The following POLQ variants were observed in gnomAD, a reference collection of about 807,000 sequenced individuals.
POLQ encodes the protein epididymis secretory sperm binding protein.
Under a neutral mutation model 259.2 loss-of-function variants are expected in POLQ, and 233 were observed. That is an observed-to-expected ratio of 0.90 (90% CI 0.81 to 1.00). POLQ has a LOEUF of 1.00. POLQ is among the 50% of genes least tolerant of loss of function. The probability of loss-of-function intolerance (pLI) is 0.00; values close to 1 mark genes in which losing one functional copy is unlikely to be tolerated. For missense variants in POLQ, 2,871 were observed against 3,051.6 expected (o/e 0.94, Z 1.39); for synonymous variants, 1,025 against 1,048.8 (o/e 0.98, Z 0.44).
At chr3:121,499,741 G>A (rs1423372032) in intron 12 of POLQ, among the ~76,000 whole-genome samples, 2 of 151,970 alleles carry the variant, frequency 1.3e-5, no homozygotes, top group African/African-American at 2.4e-5. Flanking sequence ...AAACATATAA[G>A]AAATAGGAAA....
rs1255098166 is a variant in POLQ at position 121,432,357 on chromosome 3, C to CTTTCAA, written c.7714_7719dup (p.Leu2572_Lys2573dup). ...CAGCTGGCGCCTATTTTCACTTTCA[C>CTTTCAA]TTTCAATTTCACAGACAGTTTTACA... On this transcript the variant is annotated inframe_insertion, in exon 30 of 30. Transcript: ENST00000264233. 2 of 1,609,524 alleles carry CTTTCAA rather than the reference C, an allele frequency of 1.2e-6. No homozygotes were observed. The highest frequency in any genetic ancestry group is 1.7e-6 in the Non-Finnish European group (2 of 1,177,872).
rs72971904 is a variant in POLQ at position 121,514,977 on chromosome 3, G to A, written c.1469-2948C>T. Among the ~76,000 whole-genome samples, 502 of 152,238 alleles carry A rather than the reference G, an allele frequency of 3.3e-3. 5 individuals are homozygous for A. Among genetic ancestry groups the A allele is most frequent in the African/African-American group, 0.011 (477 of 41,536 alleles). ...AGCAGGGGCTAGTTCTGCCAAACCT[G>A]GGATTTTAAACAGTGCTCAAGCTCA... On this transcript the variant is annotated intron_variant, in intron 9 of 29. Transcript: ENST00000264233.
chr3:121,489,507 G>A lies in POLQ; in HGVS notation c.3424C>T (p.Gln1142Ter), dbSNP rs1163200897. 11 of 1,613,804 alleles carry A rather than the reference G, an allele frequency of 6.8e-6. No individual in the cohort carries two copies. Among genetic ancestry groups the A allele is most frequent in the Non-Finnish European group, 9.3e-6 (11 of 1,179,960 alleles). The change falls in exon 16 of 30, where the codon CAG (glutamine) becomes TAG (stop). Residue 1142 changes from glutamine (Q) to a stop codon, truncating the protein, a stop_gained. Transcript: ENST00000264233. LOFTEE classifies it high-confidence loss of function. ...NFVEHIVTGS[Q>*]SKNVTCQATS... ...GCCTGACAAGTCACATTTTTACTCT[G>A]AGATCCTGTGACAATATGCTCCACA... is the stretch of plus-strand genomic sequence containing the variant.
intron 9 of POLQ, among the ~76,000 whole-genome samples, 196 bp downstream of exon 9, chr3:121,519,675 C>CAAA (rs959037678): frequency 3.3e-5 from 2 of 59,780 alleles, no homozygotes; most frequent in Non-Finnish European, 6.8e-5. Context: ...GACTCCGTCT[C>CAAA]AAAAAAAAAA....
At position 121,483,586 on chromosome 3, in the gene POLQ, TAAAAAAAAAAA is replaced by T; in HGVS notation, c.5774-15_5774-5del. The T allele has an allele frequency of 7.8e-7, 1 of 1,277,416 alleles. No homozygotes were observed. Among genetic ancestry groups the T allele is most frequent in the East Asian group, 2.7e-5 (1 of 36,384 alleles). The allele number at this position is 1,277,416 out of a possible 1,614,324, so 79.1% of individuals were successfully genotyped here. A position where few individuals can be genotyped will look rare whatever the true frequency, so the allele number is the denominator to read the frequency against. On this transcript the variant is annotated splice_region_variant and splice_polypyrimidine_tract_variant and intron_variant, in intron 17 of 29. Transcript: ENST00000264233. Reference sequence around the variant, plus strand: ...GGAACCAAACTGGCACTAATTTCTTTAAAAAAAAAAAAAAAAAGGAAAAAACATTTTTAAGG... The same window carrying T: ...GGAACCAAACTGGCACTAATTTCTTTAAAAAAGGAAAAAACATTTTTAAGG...
chr3:121,472,440 A>G (rs967701915), intron 21 of POLQ, among the ~76,000 whole-genome samples: 1 of 152,154 alleles, frequency 6.6e-6, no homozygotes, highest in Non-Finnish European at 1.5e-5. Context: ...CTGCCTCCCC[A>G]CACCCGACCA....
At position 121,533,017 on chromosome 3, in the gene POLQ, C is replaced by T. The variant is rs1261363862; in HGVS notation, c.933G>A (p.Arg311=). 6.2e-7 allele frequency: 1 copy of T among 1,610,840 alleles called. No homozygotes were observed. Among genetic ancestry groups the T allele is most frequent in the Non-Finnish European group, 8.5e-7 (1 of 1,177,944 alleles). ...TCACTTGTAGCATGGGCTCAAATTC[C>T]CTCACAAGTTTCATTGAAGAGTCAT... ...SIYDSSMKLV[R]EFEPMLQVKG... Residue 311 remains arginine, a synonymous_variant, in exon 6 of 30, where the codon AGG becomes AGA. Transcript: ENST00000264233.
intron 25 of POLQ, among the ~76,000 whole-genome samples, chr3:121,455,927 C>A (rs925259930): frequency 1.4e-5 from 2 of 142,754 alleles, no homozygotes; most frequent in Non-Finnish European, 3.1e-5. Context: ...CAGAGACAAC[C>A]AAAAAAGAGA....
intron 3 of POLQ, 113 bp downstream of exon 3, chr3:121,541,236 A>G: frequency 1.1e-6 from 1 of 933,186 alleles, no homozygotes; most frequent in African/African-American, 1.7e-5. Flanking sequence ...TACATAGGGC[A>G]CAATGAAGAA....
At chr3:121,490,492 AC>A in intron 15 of POLQ, 84 bp from the exon 16 acceptor site, 2 of 1,085,314 alleles carry the variant, frequency 1.8e-6, no homozygotes, top group Non-Finnish European at 2.7e-6. Context: ...CTGAGCTGTT[AC>A]CAGGAACTGA....
chr3:121,478,576 TAA>T (rs143898506), intron 19 of POLQ, among the ~76,000 whole-genome samples: 42,401 of 76,790 alleles, frequency 0.55, 10,151 homozygotes, highest in East Asian at 0.79. Flanking sequence ...GGCAAATTTG[TAA>T]AAAAAAAAAA....
At chr3:121,540,912 GAC>G (rs2048484827) in intron 3 of POLQ, among the ~76,000 whole-genome samples, 1 of 137,164 alleles carries the variant, frequency 7.3e-6, no homozygotes, top group Admixed American at 7.6e-5. Flanking sequence ...TTTTTTTTGA[GAC>G]AGAGTCTTAC....
chr3:121,489,317 C>G lies in POLQ; in HGVS notation c.3614G>C (p.Ser1205Thr). Reference protein sequence around the residue: ...YLRKQSHEQTSTITKQKNIIE... With the variant: ...YLRKQSHEQTTTITKQKNIIE... ...TATATTTTTCTGTTTGGTAATAGTG[C>G]TTGTCTGTTCATGAGATTGCTTTCG... The change falls in exon 16 of 30, where the codon AGC (serine) becomes ACC (threonine). Residue 1205 changes from serine (S) to threonine (T), a missense_variant. Coordinates refer to ENST00000264233, the MANE Select transcript of POLQ (RefSeq NM_199420.4). 1 of 1,613,638 alleles carries G rather than the reference C, an allele frequency of 6.2e-7. No homozygotes were observed.
intron 2 of POLQ, among the ~76,000 whole-genome samples, chr3:121,543,044 C>A: frequency 6.6e-6 from 1 of 151,672 alleles, no homozygotes; most frequent in Admixed American, 6.6e-5. Context: ...AAAGAATGAA[C>A]TAGTTTCAAA....
At chr3:121,471,511 G>T (rs1317224604) in intron 22 of POLQ, among the ~76,000 whole-genome samples, 3 of 152,172 alleles carry the variant, frequency 2.0e-5, no homozygotes, top group Non-Finnish European at 4.4e-5. Context: ...GGAGGCCGAG[G>T]CAGGTGGATC....
chr3:121,494,477 GGCAGA>G, intron 14 of POLQ: 1 of 1,481,724 alleles, frequency 6.7e-7, no homozygotes, highest in Non-Finnish European at 9.4e-7. Context: ...GAAAGCTGCT[GGCAGA>G]GGGGACGTCC....
At chr3:121,453,386 T>C (rs949143589) in intron 25 of POLQ, among the ~76,000 whole-genome samples, 3 of 152,198 alleles carry the variant, frequency 2.0e-5, no homozygotes, top group Non-Finnish European at 2.9e-5. Flanking sequence ...CAAAGCTGGA[T>C]GGAGAATGAC....
In POLQ at chr3:121,432,273, C is replaced by A; in HGVS notation, c.*31G>T. On this transcript the variant is annotated 3_prime_UTR_variant, in exon 30 of 30. Transcript: ENST00000264233. ...TTCCAGGTGACTGCATCTGCACAGG[C>A]TTCCCTGGGAGGACTTCATCAACAG... The A allele has an allele frequency of 6.4e-7, 1 of 1,573,344 alleles. No individual in the cohort carries two copies. The highest frequency in any genetic ancestry group is 1.7e-4 in the Middle Eastern group (1 of 5,946).
intron 24 of POLQ, among the ~76,000 whole-genome samples, chr3:121,464,637 A>G (rs933662825): frequency 9.8e-5 from 15 of 152,312 alleles, no homozygotes; most frequent in African/African-American, 3.4e-4. Flanking sequence ...CTTTCTGAGC[A>G]CTGACATAAT....
Sources: gnomAD v4.1 joint callset for allele counts (sites outside exome capture counted in the v4.1 genomes callset) on GRCh38, gnomAD v4.1.1 for gene constraint, MANE v1.5 for transcripts, NCBI Gene and HGNC (gene_info 2026-07-23, HGNC 2026-07-21) for gene names.